The following PTPRS variants were observed in gnomAD, a reference collection of about 807,000 sequenced individuals.
PTPRS encodes receptor-type tyrosine-protein phosphatase S.
A neutral mutation model predicts 215.3 loss-of-function variants in PTPRS; 63 were observed. That is an observed-to-expected ratio of 0.29 (90% confidence interval 0.24 to 0.36). The LOEUF (loss-of-function observed/expected upper bound fraction) is 0.36, where lower values mean the gene tolerates loss of function less well. Ranked by LOEUF, PTPRS falls within the 10% of genes least tolerant of loss-of-function variation. PTPRS has a pLI of 1.00. For missense variants in PTPRS, 2,258 were observed against 2,825.8 expected (o/e 0.80, Z 4.56); for synonymous variants, 1,404 against 1,191.4 (o/e 1.18, Z -3.68).
chr19:5,222,611 G>A (rs1020039502), intron 18 of PTPRS, 78 bp downstream of exon 18: 143 of 1,395,966 alleles, frequency 1.0e-4, no homozygotes, highest in Admixed American at 6.6e-4. Flanking sequence ...TACCTGGGCA[G>A]GGGAGAGGGA....
Position 5,257,266 on chromosome 19 carries a change from G to C in PTPRS, c.706+751C>G, listed in dbSNP as rs2073804579. On this transcript the variant is annotated intron_variant, in intron 8 of 37. Transcript: ENST00000262963. This position sits in a 1 kb window ranked among gnomAD's most constrained non-coding sequence, Gnocchi z 4.4. ...GGGCAGGGGAGCGGGGAGGTGCTGG[G>C]GCGAGGCCCCCACGCTGCTGGGCAT... Among the ~76,000 whole-genome samples, 1 of 151,842 alleles carries C rather than the reference G, an allele frequency of 6.6e-6. No individual in the cohort carries two copies. The highest frequency in any genetic ancestry group is 2.4e-5 in the African/African-American group (1 of 41,296).
intron 1 of PTPRS, among the ~76,000 whole-genome samples, chr19:5,325,097 G>A (rs960418952): frequency 3.9e-5 from 6 of 152,152 alleles, no homozygotes; most frequent in Non-Finnish European, 7.3e-5. Context: ...TGGGGCCCAG[G>A]CCCCTTCCAC....
chr19:5,275,510 C>T (rs558744032), intron 2 of PTPRS, among the ~76,000 whole-genome samples: 5 of 152,148 alleles, frequency 3.3e-5, no homozygotes, highest in African/African-American at 1.2e-4. Flanking sequence ...CCTTGGCCTC[C>T]CAAGTAGCTG....
chr19:5,206,819 C>G lies in PTPRS; in HGVS notation c.5802G>C (p.Gln1934His). The G allele has an allele frequency of 6.2e-7, 1 of 1,614,150 alleles. No individual in the cohort carries two copies. The highest frequency in any genetic ancestry group is 1.1e-5 in the South Asian group (1 of 91,078). Residue 1934 changes from glutamine to histidine, a missense_variant, in exon 38 of 38, where the codon CAG becomes CAC. By Grantham distance (24) the Gln-to-His change is conservative. Around this residue, in one of 6 missense-constraint regions of PTPRS, gnomAD observed 89 missense variants for 104.0 expected, o/e 0.86. Coordinates refer to ENST00000262963, the MANE Select transcript of PTPRS (RefSeq NM_002850.4). Reference protein sequence around the residue: ...QTEDEYQFCYQAALEYLGSFD... With the variant: ...QTEDEYQFCYHAALEYLGSFD... ...AGCTTCCGAGGTACTCCAGTGCCGC[C>G]TGGTAACAGAACTGGTACTCATCCT... is the stretch of plus-strand genomic sequence containing the variant.
rs948320394 is a variant in PTPRS at position 5,237,586 on chromosome 19, C to T, written c.1849+1333G>A. 6.6e-6 allele frequency among the ~76,000 whole-genome samples: 1 copy of T among 152,076 alleles called. No homozygotes were observed. The highest frequency in any genetic ancestry group is 6.5e-5 in the Admixed American group (1 of 15,270). On this transcript the variant is annotated intron_variant, in intron 13 of 37. Transcript: ENST00000262963. This position sits in a 1 kb window ranked among gnomAD's most constrained non-coding sequence, Gnocchi z 4.2. Reference sequence around the variant, plus strand: ...CGTGGTTTGGGAGAGTTTCTGGGGCCGAATTCGGGCCGTGGACTGTCCGTT... The same window carrying T: ...CGTGGTTTGGGAGAGTTTCTGGGGCTGAATTCGGGCCGTGGACTGTCCGTT...
In PTPRS at chr19:5,257,753, T is replaced by C. The variant is rs958016382; in HGVS notation, c.706+264A>G. On this transcript the variant is annotated intron_variant, in intron 8 of 37. Coordinates refer to ENST00000262963, the MANE Select transcript of PTPRS (RefSeq NM_002850.4). This position sits in a 1 kb window ranked among gnomAD's most constrained non-coding sequence, Gnocchi z 4.4. ...TGCCCCACGCCTTCCTACCCCACCA[T>C]CACTGCCTCCCCAGAGCCTGCTGCC... Among the ~76,000 whole-genome samples the C allele has an allele frequency of 6.6e-6, 1 of 152,034 alleles. No individual in the cohort carries two copies.
intron 16 of PTPRS, 49 bp from the exon 17 acceptor site, chr19:5,225,893 C>T (rs1228928789): frequency 2.8e-6 from 4 of 1,424,702 alleles, no homozygotes; most frequent in Admixed American, 1.7e-5. Flanking sequence ...TGGGAGCAGC[C>T]CCACCCACCC....
At chr19:5,302,322 G>A (rs184959937) in intron 1 of PTPRS, among the ~76,000 whole-genome samples, 3 of 152,200 alleles carry the variant, frequency 2.0e-5, no homozygotes, top group East Asian at 3.9e-4. Context: ...CTAAGATCCC[G>A]CCACTAAACA....
chr19:5,334,527 A>G (rs1239950228), intron 1 of PTPRS, among the ~76,000 whole-genome samples: 1 of 152,228 alleles, frequency 6.6e-6, no homozygotes, highest in Non-Finnish European at 1.5e-5. Context: ...ACAGCCAACA[A>G]GTCGGCAGAG....
rs757631116 is a variant in PTPRS at position 5,231,626 on chromosome 19, G to C, written c.1850-11C>G. 4.7e-5 allele frequency: 6 copies of C among 128,326 alleles called. No homozygotes were observed. Among genetic ancestry groups the C allele is most frequent in the East Asian group, 5.9e-4 (2 of 3,380 alleles). The allele number at this position is 128,326 out of a possible 1,614,324, so 7.9% of individuals were successfully genotyped here. A position where few individuals can be genotyped will look rare whatever the true frequency, so the allele number is the denominator to read the frequency against. Reference sequence around the variant, plus strand: ...GGGGGGCTGACGGTTCTATTGGAGGGGGGGAGAACGTGGGGGGGTGGGGAA... The same window carrying C: ...GGGGGGCTGACGGTTCTATTGGAGGCGGGGAGAACGTGGGGGGGTGGGGAA... On this transcript the variant is annotated splice_polypyrimidine_tract_variant and intron_variant, in intron 13 of 37. Transcript: ENST00000262963.
chr19:5,315,084 A>T (rs1261967984), intron 1 of PTPRS, among the ~76,000 whole-genome samples: 3 of 152,106 alleles, frequency 2.0e-5, no homozygotes, highest in African/African-American at 7.2e-5. Flanking sequence ...ATGCTGTTCC[A>T]TCTGCCTAGA....
intron 8 of PTPRS, 117 bp from the exon 9 acceptor site, chr19:5,256,236 TG>T: frequency 1.3e-6 from 1 of 755,724 alleles, no homozygotes; most frequent in Non-Finnish European, 1.9e-6. Context: ...TGCAATAGTT[TG>T]TTGTTTTTTT....
intron 3 of PTPRS, 133 bp from the exon 4 acceptor site, chr19:5,273,716 C>T (rs2047116844): frequency 1.8e-6 from 2 of 1,140,266 alleles, no homozygotes; most frequent in African/African-American, 3.1e-5. Context: ...GGGAGAATTG[C>T]TGCAGGCTGA....
Position 5,206,606 on chromosome 19 carries a change from T to G in PTPRS, c.*168A>C. ...AGGTCGCTGGGGCGGCCGGGGCCGG[T>G]GGGGGGGCTCGAGGGGCTGCGTCGT... On this transcript the variant is annotated 3_prime_UTR_variant, in exon 38 of 38. Transcript: ENST00000262963. 1.0e-4 allele frequency: 53 copies of G among 508,138 alleles called. No individual in the cohort carries two copies. Among genetic ancestry groups the G allele is most frequent in the Non-Finnish European group, 1.4e-4 (41 of 287,660 alleles). 31.5% of individuals were successfully genotyped at this position (508,138 alleles called of 1,614,324 possible).
intron 20 of PTPRS, 78 bp downstream of exon 20, chr19:5,220,918 CAGAG>C: frequency 6.7e-7 from 1 of 1,483,788 alleles, no homozygotes; most frequent in Non-Finnish European, 9.1e-7. Context: ...AATTGAGGCA[CAGAG>C]AGGGCACGTG....
At chr19:5,300,218 G>A (rs561741395) in intron 1 of PTPRS, among the ~76,000 whole-genome samples, 7 of 149,526 alleles carry the variant, frequency 4.7e-5, no homozygotes, top group African/African-American at 1.7e-4. Flanking sequence ...TACAGCCTGG[G>A]CAACGGGGCG....
intron 19 of PTPRS, 85 bp from the exon 20 acceptor site, chr19:5,221,338 G>A (rs932786774): frequency 5.1e-5 from 78 of 1,519,334 alleles, no homozygotes; most frequent in Non-Finnish European, 6.6e-5. Context: ...CCCCCACCCT[G>A]ACTGAGCCCT....
intron 1 of PTPRS, among the ~76,000 whole-genome samples, chr19:5,288,641 T>C (rs527794002): frequency 6.1e-4 from 93 of 152,278 alleles, no homozygotes; most frequent in African/African-American, 2.2e-3. Context: ...CCAGACCACT[T>C]TGAGCAGCTG....
rs781048317 is a variant in PTPRS at position 5,220,343 on chromosome 19, T to C, written c.3466A>G (p.Ile1156Val). ...QSPVPVQSYF[I>V]VMVPLRKSRG... ...GACTTGCGCAGTGGCACCATCACAA[T>C]GAAATAGCTCCTGTAGGGAGATGGG... Residue 1156 changes from isoleucine to valine, a missense_variant, in exon 21 of 38, where the codon ATT becomes GTT. Ile to Val is a conservative substitution (Grantham distance 29). Coordinates refer to ENST00000262963, the MANE Select transcript of PTPRS (RefSeq NM_002850.4). The C allele has an allele frequency of 8.7e-6, 14 of 1,613,366 alleles. No individual in the cohort carries two copies. The East Asian group carries it at 3.1e-4, about 36-fold the overall frequency.
Sources: allele counts gnomAD v4.1 joint callset (sites outside exome capture counted in the v4.1 genomes callset), GRCh38; gene constraint gnomAD v4.1.1; regional missense constraint gnomAD v4.1.1; non-coding constraint Gnocchi (gnomAD v3.1); transcripts MANE v1.5; gene names NCBI Gene and HGNC (gene_info 2026-07-23, HGNC 2026-07-21).